Variants in ITGAX observed in about 807,000 individuals in gnomAD.
ITGAX encodes integrin subunit alpha X.
In ITGAX, 99 loss-of-function variants were observed where a neutral mutation model predicts 140.2. The ratio of observed to expected loss-of-function variants is 0.71; its 90% confidence interval spans 0.60 to 0.83. The LOEUF (loss-of-function observed/expected upper bound fraction) is 0.83. ITGAX is among the 40% of genes least tolerant of loss of function. ITGAX has a pLI of 0.00. For synonymous variants in ITGAX, 631 were observed against 600.4 expected, an observed-to-expected ratio of 1.05 and a Z score of -0.75; for missense variants, 1,444 against 1,482.0, an observed-to-expected ratio of 0.97 and a Z score of 0.42.
intron 1 of ITGAX, 106 bp from the exon 2 acceptor site, chr16:31,355,786 CG>C: frequency 1.2e-6 from 1 of 821,628 alleles, no homozygotes; most frequent in Non-Finnish European, 2.0e-6. Context: ...CCAGGCACCC[CG>C]GGCATCAGGC....
At chr16:31,369,365 C>T (rs962945950) in intron 14 of ITGAX, among the ~76,000 whole-genome samples, 22 of 152,160 alleles carry the variant, frequency 1.4e-4, no homozygotes, top group Admixed American at 4.6e-4. Context: ...TAGGGGCGGC[C>T]GGGCAGAGGC....
At chr16:31,363,402 A>G in intron 14 of ITGAX, 28 bp downstream of exon 14, 1 of 1,610,946 alleles carries the variant, frequency 6.2e-7, no homozygotes, top group East Asian at 2.2e-5. Flanking sequence ...TTCTGTCACT[A>G]GAGCAGCCTG....
In ITGAX at chr16:31,361,072, G is replaced by C. The variant is rs200935163; in HGVS notation, c.871G>C (p.Ala291Pro). The C allele has an allele frequency of 1.9e-6, 3 of 1,612,652 alleles. No homozygotes were observed. The highest frequency in any genetic ancestry group is 2.5e-6 in the Non-Finnish European group (3 of 1,179,688). ...TCTTTTCTGGGGACAGGTTGGATTA[G>C]CTTTTCAAAACAGAAATTCTTGGAA... is the stretch of plus-strand genomic sequence containing the variant. Reference protein sequence around the residue: ...IIRYAIGVGLAFQNRNSWKEL... With the variant: ...IIRYAIGVGLPFQNRNSWKEL... The change falls in exon 9 of 30, where the codon GCT (alanine) becomes CCT (proline). Residue 291 changes from alanine (A) to proline (P), a missense_variant. Physicochemically the swap from Ala to Pro is conservative, Grantham distance 27. Transcript: ENST00000268296.
At position 31,360,024 on chromosome 16, in the gene ITGAX, G is replaced by T. The variant is rs1348058270; in HGVS notation, c.666G>T (p.Leu222=). 1 of 1,613,306 alleles carries T rather than the reference G, an allele frequency of 6.2e-7. No homozygotes were observed. The highest frequency in any genetic ancestry group is 1.3e-5 in the African/African-American group (1 of 75,052). ...GCCTGTTGGCTTCTGTTCACCAGCT[G>T]CAAGGGTTTACATACACGGCCACCG... The part of the protein sequence containing the change: ...PLSLLASVHQ[L]QGFTYTATAI... The change falls in exon 7 of 30, where the codon CTG becomes CTT. Residue 222 remains leucine, a synonymous_variant. Transcript: ENST00000268296.
chr16:31,371,606 C>T (rs751270898), intron 16 of ITGAX, 24 bp from the exon 17 acceptor site: 22 of 1,613,412 alleles, frequency 1.4e-5, no homozygotes, highest in South Asian at 6.6e-5. Context: ...CCTGTCTCAA[C>T]GCCGTCCCTG....
Position 31,355,208 on chromosome 16 carries a change from C to A in ITGAX, c.-47C>A, listed in dbSNP as rs369895300. 1 of 1,610,998 alleles carries A rather than the reference C, an allele frequency of 6.2e-7. No homozygotes were observed. Among genetic ancestry groups the A allele is most frequent in the African/African-American group, 1.3e-5 (1 of 74,962 alleles). On this transcript the variant is annotated 5_prime_UTR_variant, in exon 1 of 30. Transcript: ENST00000268296. The stretch of plus-strand genomic sequence containing the variant: ...TCCTCAGTACCTTGGTCCAGCTCTT[C>A]CTGCAACGGCCCAGGAGCTCAGAGC...
chr16:31,368,813 A>G (rs1351346865), intron 14 of ITGAX, among the ~76,000 whole-genome samples: 2 of 151,420 alleles, frequency 1.3e-5, no homozygotes, highest in African/African-American at 4.8e-5. Context: ...ATGACTCTTA[A>G]CGAGCATGCT....
At chr16:31,381,174 T>C (rs926199539) in intron 29 of ITGAX, among the ~76,000 whole-genome samples, 167 bp downstream of exon 29, 3 of 152,172 alleles carry the variant, frequency 2.0e-5, no homozygotes, top group African/African-American at 7.2e-5. Context: ...CCCCCTGCTT[T>C]GTGATTCCCA....
Position 31,379,784 on chromosome 16 carries a change from C to A in ITGAX, c.2896C>A (p.Pro966Thr). 6.2e-7 allele frequency: 1 copy of A among 1,614,076 alleles called. No homozygotes were observed. Among genetic ancestry groups the A allele is most frequent in the Non-Finnish European group, 8.5e-7 (1 of 1,179,998 alleles). ...QVNNLGQRDL[P>T]VSINFWVPVE... ...CAATAACCTGGGACAGAGGGACCTG[C>A]CTGTCAGCATCAACTTCTGGGTGCC... The change falls in exon 25 of 30, where the codon CCT becomes ACT. Residue 966 changes from proline (P) to threonine (T), a missense_variant. Transcript: ENST00000268296.
At position 31,371,191 on chromosome 16, in the gene ITGAX, C is replaced by G. The variant is rs754292886; in HGVS notation, c.1818C>G (p.Ala606=). ...GACTGGTGGACCTGGCTGTGGGGGC[C>G]CGGGGCCAGGTGCTCCTGCTCAGGT... ...QDGLVDLAVG[A]RGQVLLLRTR... Residue 606 remains alanine, a synonymous_variant, in exon 15 of 30, where the codon GCC becomes GCG. Transcript: ENST00000268296. 1 of 1,610,544 alleles carries G rather than the reference C, an allele frequency of 6.2e-7. No individual in the cohort carries two copies. The highest frequency in any genetic ancestry group is 2.2e-5 in the East Asian group (1 of 44,864).
In ITGAX at chr16:31,357,550, C is replaced by A. The variant is rs993243833; in HGVS notation, c.430+186C>A. The A allele has an allele frequency of 3.3e-5, 19 of 581,064 alleles. No individual in the cohort carries two copies. The East Asian group carries it at 5.5e-4, about 17-fold the overall frequency. 36.0% of individuals were successfully genotyped at this position (581,064 alleles called of 1,614,324 possible). A position where few individuals can be genotyped will look rare whatever the true frequency, so the allele number is the denominator to read the frequency against. ...TGCCGATCGCCCGCACGCTGCCGGA[C>A]CTTTCCTGTGACCTTAACCTCTCCA... On this transcript the variant is annotated intron_variant, in intron 5 of 29. Transcript: ENST00000268296.
intron 29 of ITGAX, 41 bp from the exon 30 acceptor site, chr16:31,381,762 T>C (rs1019329451): frequency 4.6e-6 from 4 of 868,104 alleles, no homozygotes; most frequent in Non-Finnish European, 8.0e-6. Context: ...TCTCTTCCAC[T>C]GAATGGGCTT....
chr16:31,371,182 T>C lies in ITGAX; in HGVS notation c.1809T>C (p.Ala603=), dbSNP rs369559267. The C allele has an allele frequency of 4.2e-5, 67 of 1,611,960 alleles. No homozygotes were observed. The highest frequency in any genetic ancestry group is 5.5e-5 in the South Asian group (5 of 90,912). The change falls in exon 15 of 30, where the codon GCT becomes GCC. Residue 603 remains alanine (A), a synonymous_variant. Transcript: ENST00000268296. ...CCCAGGATGGACTGGTGGACCTGGC[T>C]GTGGGGGCCCGGGGCCAGGTGCTCC... ...DLTQDGLVDL[A]VGARGQVLLL...
intron 14 of ITGAX, among the ~76,000 whole-genome samples, chr16:31,369,767 CT>C (rs968880903): frequency 2.6e-5 from 4 of 151,982 alleles, no homozygotes; most frequent in African/African-American, 2.4e-5. Flanking sequence ...GTTATTATTC[CT>C]TTTTTTCTTT....
rs1377371720 is a variant in ITGAX, at chr16:31,380,911, G to A, written c.3291G>A (p.Leu1097=). Residue 1097 remains leucine (L), a synonymous_variant, in exon 29 of 30, where the codon CTG becomes CTA. Coordinates refer to ENST00000268296, the MANE Select transcript of ITGAX (RefSeq NM_000887.5). ...TTCCACTTCAGACGACAACGGTGCTGGAGAAGTACAAGGTCCACAACCCCA... is the reference window on the plus strand; with the variant it reads ...TTCCACTTCAGACGACAACGGTGCTAGAGAAGTACAAGGTCCACAACCCCA... ...AFMRAQTTTV[L]EKYKVHNPTP... 5 of 1,614,076 alleles carry A rather than the reference G, an allele frequency of 3.1e-6. No homozygotes were observed. The highest frequency in any genetic ancestry group is 3.3e-4 in the Middle Eastern group (2 of 6,060).
At position 31,362,998 on chromosome 16, in the gene ITGAX, C is replaced by G. The variant is rs779803134; in HGVS notation, c.1423C>G (p.Leu475Val). 2.2e-5 allele frequency: 36 copies of G among 1,609,254 alleles called. No individual in the cohort carries two copies. The highest frequency in any genetic ancestry group is 3.0e-5 in the Non-Finnish European group (35 of 1,178,460). Residue 475 changes from leucine (L) to valine (V), a missense_variant, in exon 13 of 30, where the codon CTG becomes GTG. Transcript: ENST00000268296. ...VDVDSDGSTD[L>V]VLIGAPHYYE... ...CGTAGACAGCGACGGCAGCACCGACCTGGTCCTCATCGGGGCCCCCCATTA... is the reference window on the plus strand; with the variant it reads ...CGTAGACAGCGACGGCAGCACCGACGTGGTCCTCATCGGGGCCCCCCATTA...
At chr16:31,362,792 G>A (rs1029543018) in intron 12 of ITGAX, 39 bp downstream of exon 12, 29 of 1,612,526 alleles carry the variant, frequency 1.8e-5, no homozygotes, top group Non-Finnish European at 2.5e-5. Flanking sequence ...GATGAGGGTA[G>A]GGGAGGTGGC....
rs17853816 is a variant in ITGAX at position 31,373,338 on chromosome 16, T to C, written c.2456T>C (p.Ile819Thr). The change falls in exon 20 of 30, where the codon ATC becomes ACC. Residue 819 changes from isoleucine (I) to threonine (T), a missense_variant. Physicochemically the swap from Ile to Thr is moderately conservative, Grantham distance 89 (BLOSUM62 -1). Coordinates refer to ENST00000268296, the MANE Select transcript of ITGAX (RefSeq NM_000887.5). ...GGGGAAGACTCCTACGGAACCACCA[T>C]CACCTTCTCCCACCCCGCAGGACTG... ...NDGEDSYGTT[I>T]TFSHPAGLSY... 1.2e-6 allele frequency: 2 copies of C among 1,613,636 alleles called. No homozygotes were observed. The highest frequency in any genetic ancestry group is 1.7e-6 in the Non-Finnish European group (2 of 1,179,976).
chr16:31,377,973 G>A (rs753630782), intron 23 of ITGAX, among the ~76,000 whole-genome samples: 1 of 152,186 alleles, frequency 6.6e-6, no homozygotes, highest in Non-Finnish European at 1.5e-5. Context: ...GTGGGCTGGT[G>A]TTTGGACTAT....
Sources: allele counts gnomAD v4.1 joint callset (sites outside exome capture counted in the v4.1 genomes callset), GRCh38; gene constraint gnomAD v4.1.1; transcripts MANE v1.5; gene names NCBI Gene and HGNC (gene_info 2026-07-23, HGNC 2026-07-21).